CASK: variants seen among roughly 807,000 people sequenced by gnomAD.
CASK encodes peripheral plasma membrane protein CASK.
A neutral mutation model predicts 82.9 loss-of-function variants in CASK; 4 were observed. The observed-to-expected ratio is 0.05, with a 90% confidence interval of 0.02 to 0.11. CASK has a LOEUF of 0.11. CASK is among the 10% of genes least tolerant of loss of function. The probability of loss-of-function intolerance (pLI) is 1.00; values close to 1 mark genes in which losing one functional copy is unlikely to be tolerated. For synonymous variants in CASK, 259 were observed against 253.5 expected (o/e 1.02, Z -0.20); for missense variants, 358 against 720.9 (o/e 0.50, Z 5.76).
At chrX:41,808,427 G>C (rs949122567) in intron 2 of CASK, among the ~76,000 whole-genome samples, 9 of 112,143 alleles carry the variant, frequency 8.0e-5, no homozygotes, top group Admixed American at 2.8e-4. Context: ...AATGGGAACT[G>C]AGACACCTCT....
At chrX:41,839,454 C>T (rs2070991010) in intron 2 of CASK, among the ~76,000 whole-genome samples, 1 of 110,346 alleles carries the variant, frequency 9.1e-6, no homozygotes, top group African/African-American at 3.3e-5. Flanking sequence ...GTGTTCTTTG[C>T]GAGTATAGAG....
chrX:41,611,910 G>A (rs1390448752), intron 11 of CASK, among the ~76,000 whole-genome samples: 4 of 111,436 alleles, frequency 3.6e-5, no homozygotes, highest in Non-Finnish European at 7.6e-5. Flanking sequence ...TGTGTTGGCC[G>A]GGCTGGTCTC....
At chrX:41,723,591 T>C (rs900035569) in intron 5 of CASK, among the ~76,000 whole-genome samples, 3 of 111,275 alleles carry the variant, frequency 2.7e-5, no homozygotes, top group African/African-American at 6.5e-5. Flanking sequence ...TGCAGGGCAA[T>C]TAGAAACAGA....
chrX:41,752,053 CA>C (rs370387817), intron 3 of CASK, among the ~76,000 whole-genome samples: 1,958 of 67,385 alleles, frequency 0.029, 59 homozygotes, highest in African/African-American at 0.095. Context: ...CCCCACCCAC[CA>C]AAAAAAAAAA....
chrX:41,703,428 C>A (rs770616613), intron 5 of CASK, among the ~76,000 whole-genome samples: 1 of 112,482 alleles, frequency 8.9e-6, no homozygotes, highest in Admixed American at 9.4e-5. Flanking sequence ...ACAATATGCA[C>A]TTTTTCTTTT....
chrX:41,521,319 A>G (rs1216311487), intron 26 of CASK, among the ~76,000 whole-genome samples: 3 of 111,656 alleles, frequency 2.7e-5, no homozygotes, highest in Non-Finnish European at 3.8e-5. Context: ...AATCCCCCCA[A>G]ATTGGTCTGC....
intron 17 of CASK, among the ~76,000 whole-genome samples, chrX:41,560,628 C>T (rs2065215696): frequency 1.9e-5 from 2 of 106,780 alleles, no homozygotes; most frequent in Non-Finnish European, 3.9e-5. Context: ...TGGTGGCTCA[C>T]ACCTGTCATC....
chrX:41,687,417 C>T (rs1300883951), intron 5 of CASK, among the ~76,000 whole-genome samples: 5 of 111,738 alleles, frequency 4.5e-5, no homozygotes, highest in South Asian at 3.7e-4. Context: ...AGATGAACCT[C>T]GAGGATATGA....
At chrX:41,798,287 A>G (rs2069906341) in intron 2 of CASK, among the ~76,000 whole-genome samples, 1 of 112,254 alleles carries the variant, frequency 8.9e-6, no homozygotes, top group African/African-American at 3.2e-5. Context: ...CTGGGCACCC[A>G]GCGTTTCACC....
intron 21 of CASK, among the ~76,000 whole-genome samples, chrX:41,551,952 A>G (rs2065103907): frequency 9.5e-6 from 1 of 104,786 alleles, no homozygotes; most frequent in Admixed American, 1.0e-4. Flanking sequence ...CCGGACACAG[A>G]GTCTCACTCT....
At chrX:41,665,626 A>C in intron 6 of CASK, 174 bp from the exon 7 acceptor site, 1 of 456,564 alleles carries the variant, frequency 2.2e-6, no homozygotes, top group Non-Finnish European at 3.8e-6. Context: ...AAAATTACTT[A>C]TCTAATTGCT....
chrX:41,890,497 T>C (rs1416939992), intron 1 of CASK, among the ~76,000 whole-genome samples: 1 of 110,817 alleles, frequency 9.0e-6, no homozygotes, highest in Non-Finnish European at 1.9e-5. Flanking sequence ...AAAAACAAAA[T>C]AAATTTCAGA....
intron 1 of CASK, among the ~76,000 whole-genome samples, chrX:41,899,861 T>A (rs1478450867): frequency 9.0e-6 from 1 of 111,660 alleles, no homozygotes; most frequent in Non-Finnish European, 1.9e-5. Flanking sequence ...TAGTGAGTTT[T>A]ACACTTTCAT....
At chrX:41,734,050 G>C (rs941611884) in intron 5 of CASK, among the ~76,000 whole-genome samples, 3 of 111,494 alleles carry the variant, frequency 2.7e-5, no homozygotes, top group African/African-American at 9.8e-5. Flanking sequence ...AGGTTAGCAA[G>C]GAAAACCATT....
rs776562274 is a variant in CASK at position 41,556,820 on chromosome X, T to G, written c.1806+212A>C. ...TAGAATGACCAAAGCAGTCTTGAAC[T>G]ATATTTCTTCAAATTTAACTATTGA... On this transcript the variant is annotated intron_variant, in intron 19 of 26. Transcript: ENST00000378163. Among the ~76,000 whole-genome samples, 10 of 112,467 alleles carry G rather than the reference T, an allele frequency of 8.9e-5. No individual in the cohort carries two copies. In the South Asian group the frequency reaches 3.6e-3, roughly 41 times the overall value.
chrX:41,633,605 T>A (rs752861295), intron 9 of CASK, among the ~76,000 whole-genome samples: 14 of 108,626 alleles, frequency 1.3e-4, no homozygotes, highest in East Asian at 5.7e-4. Context: ...TCTTTTTTTT[T>A]ATTTTTTTTT....
intron 22 of CASK, among the ~76,000 whole-genome samples, chrX:41,535,867 C>A (rs2064867212): frequency 8.9e-6 from 1 of 112,034 alleles, no homozygotes; most frequent in African/African-American, 3.2e-5. Flanking sequence ...TGAGCAGATG[C>A]CCATTCCTGT....
intron 3 of CASK, among the ~76,000 whole-genome samples, chrX:41,757,150 G>C (rs1473557765): frequency 1.8e-5 from 2 of 111,873 alleles, no homozygotes; most frequent in Non-Finnish European, 3.8e-5. Flanking sequence ...TCTATATTTA[G>C]TAAGTTTGTT....
Position 41,814,358 on chromosome X carries a change from G to A in CASK, c.173-27075C>T, listed in dbSNP as rs750096455. Among the ~76,000 whole-genome samples, 6 of 111,394 alleles carry A rather than the reference G, an allele frequency of 5.4e-5. No homozygotes were observed. In the East Asian group the frequency reaches 1.4e-3, roughly 26 times the overall value. On this transcript the variant is annotated intron_variant, in intron 2 of 26. Coordinates refer to ENST00000378163, the MANE Select transcript of CASK (RefSeq NM_001367721.1). ...GGAACCAACCCAAATGTCCATCCAT[G>A]ATAGACTGGATTAAGAAAATGTGAC...
Sources: gnomAD v4.1 joint callset for allele counts (sites outside exome capture counted in the v4.1 genomes callset) on GRCh38, gnomAD v4.1.1 for gene constraint, MANE v1.5 for transcripts, NCBI Gene and HGNC (gene_info 2026-07-23, HGNC 2026-07-21) for gene names.